The following FANCC variants were observed in gnomAD, a reference collection of about 807,000 sequenced individuals.
FANCC encodes the protein Fanconi anemia group C protein.
Under a neutral mutation model 71.3 loss-of-function variants are expected in FANCC, and 55 were observed. That is an observed-to-expected ratio of 0.77 (90% CI 0.62 to 0.97). The LOEUF is 0.97. Among genes scored for constraint, FANCC ranks in the 50% least tolerant of loss-of-function variants. The pLI, the probability that FANCC is intolerant of heterozygous loss-of-function variation, is 0.00. For synonymous variants in FANCC, 275 were observed against 244.9 expected, an observed-to-expected ratio of 1.12 and a Z score of -1.15; for missense variants, 678 against 670.9, an observed-to-expected ratio of 1.01 and a Z score of -0.12.
intron 4 of FANCC, among the ~76,000 whole-genome samples, chr9:95,239,141 G>A (rs997493514): frequency 3.9e-5 from 6 of 152,044 alleles, no homozygotes; most frequent in African/African-American, 1.2e-4. Flanking sequence ...CAATTAACAC[G>A]TCACCTGCCC....
At chr9:95,261,887 G>T (rs1832073599) in intron 1 of FANCC, among the ~76,000 whole-genome samples, 1 of 152,140 alleles carries the variant, frequency 6.6e-6, no homozygotes, top group Non-Finnish European at 1.5e-5. Context: ...TCCTTCAGAA[G>T]CAGGAAGAGG....
In FANCC at chr9:95,304,462, G is replaced by A. The variant is rs114197253; in HGVS notation, c.-79+13064C>T. Among the ~76,000 whole-genome samples, 515 of 151,960 alleles carry A rather than the reference G, an allele frequency of 3.4e-3. 4 individuals are homozygous for A. The highest frequency in any genetic ancestry group is 0.012 in the African/African-American group (488 of 41,442). ...CTCTTTAATTTTTTTTAAAAAAAAG[G>A]GGGCCAGGAGTGTTGGCTCACACCT... is the stretch of plus-strand genomic sequence containing the variant. On this transcript the variant is annotated intron_variant, in intron 1 of 14. Transcript: ENST00000289081.
chr9:95,158,195 T>TCA (rs1053040906), intron 6 of FANCC, among the ~76,000 whole-genome samples: 5 of 152,142 alleles, frequency 3.3e-5, no homozygotes, highest in African/African-American at 1.2e-4. Context: ...GTATACACCT[T>TCA]CACACACACC....
chr9:95,155,812 A>C (rs1830435051), intron 6 of FANCC, among the ~76,000 whole-genome samples: 1 of 151,690 alleles, frequency 6.6e-6, no homozygotes, highest in Non-Finnish European at 1.5e-5. Flanking sequence ...CAACCTCCCC[A>C]GGCTCAAGCG....
chr9:95,300,623 T>C (rs1834667052), intron 1 of FANCC, among the ~76,000 whole-genome samples: 1 of 152,152 alleles, frequency 6.6e-6, no homozygotes, highest in Admixed American at 6.5e-5. Flanking sequence ...GCTAATTTTT[T>C]TTTGTATTTT....
chr9:95,106,922 G>T (rs1352579930), intron 14 of FANCC, 144 bp downstream of exon 14: 4 of 797,364 alleles, frequency 5.0e-6, no homozygotes. Flanking sequence ...GTCCATCCCA[G>T]CTGTCAACCT....
At chr9:95,148,445 T>A (rs981197089) in intron 7 of FANCC, among the ~76,000 whole-genome samples, 6 of 152,240 alleles carry the variant, frequency 3.9e-5, no homozygotes, top group African/African-American at 1.4e-4. Flanking sequence ...ATTAGCAAAG[T>A]GACTCAGTCC....
chr9:95,248,008 AG>A (rs1831102011), intron 2 of FANCC, among the ~76,000 whole-genome samples: 1 of 152,352 alleles, frequency 6.6e-6, no homozygotes. Context: ...AAGAAATAAA[AG>A]CAGCCAAAGC....
chr9:95,312,583 C>G (rs377542968), intron 1 of FANCC, among the ~76,000 whole-genome samples: 6 of 152,364 alleles, frequency 3.9e-5, no homozygotes, highest in African/African-American at 1.4e-4. Flanking sequence ...AACTCCTAGT[C>G]TCAAGTAATT....
At chr9:95,192,185 A>AAGCTGGACCAGCAGCCATG (rs1827156589) in intron 4 of FANCC, among the ~76,000 whole-genome samples, 2 of 152,332 alleles carry the variant, frequency 1.3e-5, no homozygotes, top group African/African-American at 4.8e-5. Context: ...GGACAACTAC[A>AAGCTGGACCAGCAGCCATG]TCTGCTGGGA....
chr9:95,249,435 T>C (rs1352701133), intron 1 of FANCC, 66 bp from the exon 2 acceptor site: 22 of 772,006 alleles, frequency 2.8e-5, no homozygotes, highest in Admixed American at 2.7e-4. Flanking sequence ...TCACGACCCA[T>C]TGATGGGTGA....
At chr9:95,295,586 C>T (rs567127460) in intron 1 of FANCC, among the ~76,000 whole-genome samples, 2 of 152,106 alleles carry the variant, frequency 1.3e-5, no homozygotes, top group South Asian at 2.1e-4. Flanking sequence ...GCCTAGGCAA[C>T]AGAGCAAAAC....
At position 95,159,121 on chromosome 9, in the gene FANCC, T is replaced by G. The variant is rs186744146; in HGVS notation, c.522-9034A>C. Among the ~76,000 whole-genome samples, 16 of 152,242 alleles carry G rather than the reference T, an allele frequency of 1.1e-4. No homozygotes were observed. In the East Asian group the frequency reaches 2.5e-3, roughly 24 times the overall value. On this transcript the variant is annotated intron_variant, in intron 6 of 14. Coordinates refer to ENST00000289081, the MANE Select transcript of FANCC (RefSeq NM_000136.3). Reference sequence around the variant, plus strand: ...ATAGGTATACACGTGCCATGTTGGTTTGCTGCACCCATTACCTCATCATTT... The same window carrying G: ...ATAGGTATACACGTGCCATGTTGGTGTGCTGCACCCATTACCTCATCATTT...
chr9:95,111,035 A>T, intron 13 of FANCC: 4 of 1,454,192 alleles, frequency 2.8e-6, no homozygotes, highest in Non-Finnish European at 3.6e-6. Context: ...GGAGACAGTC[A>T]AGATGGAAGC....
intron 4 of FANCC, among the ~76,000 whole-genome samples, chr9:95,173,017 A>G (rs1825780443): frequency 6.6e-6 from 1 of 152,254 alleles, no homozygotes; most frequent in East Asian, 1.9e-4. Context: ...ACAAACACTA[A>G]GAGCATAACA....
At chr9:95,124,290 A>G (rs888561114) in intron 10 of FANCC, among the ~76,000 whole-genome samples, 2 of 151,896 alleles carry the variant, frequency 1.3e-5, no homozygotes, top group African/African-American at 4.8e-5. Context: ...GACCAGCACC[A>G]CTCTCGACAG....
intron 1 of FANCC, among the ~76,000 whole-genome samples, chr9:95,311,165 C>T (rs1835373283): frequency 7.1e-6 from 1 of 140,490 alleles, no homozygotes; most frequent in Non-Finnish European, 1.5e-5. Context: ...ACCCGGGAGG[C>T]AGAGCTTGCA....
At chr9:95,163,417 G>A (rs1830867229) in intron 6 of FANCC, among the ~76,000 whole-genome samples, 1 of 151,930 alleles carries the variant, frequency 6.6e-6, no homozygotes, top group African/African-American at 2.4e-5. Context: ...GTTACTTGGG[G>A]TACTTTGAGA....
chr9:95,214,063 T>C (rs910481279), intron 4 of FANCC, among the ~76,000 whole-genome samples: 1 of 152,090 alleles, frequency 6.6e-6, no homozygotes, highest in Non-Finnish European at 1.5e-5. Context: ...CATTAATCAT[T>C]AGAAAAATGC....
Sources: gnomAD v4.1 joint callset for allele counts (sites outside exome capture counted in the v4.1 genomes callset) on GRCh38, gnomAD v4.1.1 for gene constraint, MANE v1.5 for transcripts, NCBI Gene and HGNC (gene_info 2026-07-23, HGNC 2026-07-21) for gene names.